POM121: variants seen among roughly 807,000 people sequenced by gnomAD.
POM121 encodes nuclear envelope pore membrane protein POM 121.
A neutral mutation model predicts 81.3 loss-of-function variants in POM121; 32 were observed. The ratio of observed to expected loss-of-function variants is 0.39; its 90% CI spans 0.30 to 0.53. POM121 has a LOEUF of 0.53. Among genes scored for constraint, POM121 ranks in the 20% least tolerant of loss-of-function variants. POM121 has a pLI of 0.66. For missense variants in POM121, 1,138 were observed against 1,614.6 expected, an observed-to-expected ratio of 0.70 and a Z score of 5.06; for synonymous variants, 514 against 694.2, an observed-to-expected ratio of 0.74 and a Z score of 4.08.
At chr7:72,886,861 G>A (rs1554490141) in intron 1 of POM121, among the ~76,000 whole-genome samples, 2 of 150,122 alleles carry the variant, frequency 1.3e-5, no homozygotes, top group Admixed American at 6.7e-5. Flanking sequence ...CAATTTGATT[G>A]CAATATGTCA....
chr7:72,899,918 TA>T (rs11364391), intron 3 of POM121, among the ~76,000 whole-genome samples: 46,380 of 151,992 alleles, frequency 0.31, 8,784 homozygotes, highest in East Asian at 0.44. Context: ...ACCAGATTTT[TA>T]TGATTTTCTC....
At chr7:72,921,499 T>G (rs1437047601), upstream of POM121, among the ~76,000 whole-genome samples, 1 of 152,216 alleles carries the variant, frequency 6.6e-6, no homozygotes, top group Non-Finnish European at 1.5e-5. Context: ...TCCAGCTCTC[T>G]GCACTGCAGT....
intron 3 of POM121, among the ~76,000 whole-genome samples, chr7:72,911,496 A>G (rs1793798278): frequency 2.6e-5 from 4 of 152,194 alleles, no homozygotes; most frequent in Admixed American, 2.6e-4. Flanking sequence ...ATTGTGTCTC[A>G]TGTCCCATCT....
At chr7:72,931,086 G>C (rs1554498533) in intron 5 of POM121, among the ~76,000 whole-genome samples, 2 of 152,022 alleles carry the variant, frequency 1.3e-5, no homozygotes, top group Non-Finnish European at 2.9e-5. Flanking sequence ...AGCCCAGAAG[G>C]CTCTGACAGT....
downstream of POM121, chr7:72,948,750 C>T (rs1402689702): frequency 9.5e-6 from 15 of 1,570,692 alleles, no homozygotes; most frequent in African/African-American, 1.4e-5. Context: ...AGGCAGTGCT[C>T]GGCACCCGGG....
chr7:72,927,105 T>C (rs1795532471), intron 3 of POM121, 142 bp downstream of exon 3: 2 of 1,366,196 alleles, frequency 1.5e-6, no homozygotes, highest in East Asian at 4.6e-5. Context: ...CATGGAGGAA[T>C]CTAATAACAA....
rs573779535 is a variant in POM121 at position 72,915,440 on chromosome 7, G to A, written c.-152+1612G>A. On this transcript the variant is annotated intron_variant, in intron 4 of 15. Coordinates refer to the POM121 transcript ENST00000395270. Reference sequence around the variant, plus strand: ...GGCTGGAGTACAGTGGCACGATCTCGGCTCCTCCTCCGCCTCGCACCTCCC... The same window carrying A: ...GGCTGGAGTACAGTGGCACGATCTCAGCTCCTCCTCCGCCTCGCACCTCCC... Among the ~76,000 whole-genome samples, 28 of 152,118 alleles carry A rather than the reference G, an allele frequency of 1.8e-4. 1 individual carries two copies. The South Asian group carries it at 5.4e-3, about 29-fold the overall frequency.
intron 3 of POM121, among the ~76,000 whole-genome samples, chr7:72,908,651 A>G (rs1396732903): frequency 6.6e-6 from 1 of 152,222 alleles, no homozygotes. Flanking sequence ...CGTAAAAGAC[A>G]GACGTTCCCA....
In POM121 at chr7:72,925,186, A is replaced by G; in HGVS notation, c.65A>G (p.Asp22Gly). The change falls in exon 1 of 13, where the codon GAC (aspartate) becomes GGC (glycine). Residue 22 changes from aspartate (D) to glycine (G), a missense_variant. Physicochemically the swap from Asp to Gly is moderately conservative, Grantham distance 94 (BLOSUM62 -1). Coordinates refer to ENST00000434423, the MANE Select transcript of POM121 (RefSeq NM_001387691.1). Reference protein sequence around the residue: ...ERRRPIASVRDGRGRGCGGPA... With the variant: ...ERRRPIASVRGGRGRGCGGPA... ...CGGCGGCCCATAGCGAGTGTCAGGGACGGCCGGGGCCGGGGCTGCGGCGGG... is the reference window on the plus strand; with the variant it reads ...CGGCGGCCCATAGCGAGTGTCAGGGGCGGCCGGGGCCGGGGCTGCGGCGGG... 6.6e-7 allele frequency: 1 copy of G among 1,516,040 alleles called. No homozygotes were observed. The highest frequency in any genetic ancestry group is 1.2e-5 in the South Asian group (1 of 82,108). The allele number at this position is 1,516,040 out of a possible 1,614,324, so 93.9% of individuals were successfully genotyped here.
intron 3 of POM121, among the ~76,000 whole-genome samples, chr7:72,912,826 G>A (rs1266536683): frequency 9.2e-5 from 14 of 152,100 alleles, no homozygotes; most frequent in Non-Finnish European, 1.5e-4. Flanking sequence ...GGCATTTCCC[G>A]CAGAAGCAGA....
At chr7:72,931,458 C>T (rs1173230234) in intron 5 of POM121, among the ~76,000 whole-genome samples, 3 of 151,866 alleles carry the variant, frequency 2.0e-5, no homozygotes, top group Admixed American at 6.6e-5. Context: ...CATAATATTC[C>T]AAATTCAAAT....
intron 10 of POM121, among the ~76,000 whole-genome samples, chr7:72,941,388 C>G (rs1412798989): frequency 6.6e-6 from 1 of 150,516 alleles, no homozygotes; most frequent in Non-Finnish European, 1.5e-5. Flanking sequence ...TGCTGGTGTT[C>G]CCGGCCCAGG....
chr7:72,926,212 T>C, intron 1 of POM121, 50 bp from the exon 2 acceptor site: 1 of 1,513,410 alleles, frequency 6.6e-7, no homozygotes, highest in Non-Finnish European at 9.0e-7. Flanking sequence ...TTTAAAAATT[T>C]GACATTCTTT....
rs368775018 is a variant in POM121, at chr7:72,931,719, C to T, written c.1275+1608C>T. ...CCAAGTAGTTGAGACTATAGGTGCC[C>T]GCCACCATGCCCAGCTAATTTTTGT... On this transcript the variant is annotated intron_variant, in intron 5 of 12. Coordinates refer to ENST00000434423, the MANE Select transcript of POM121 (RefSeq NM_001387691.1). Among the ~76,000 whole-genome samples, 18 of 152,068 alleles carry T rather than the reference C, an allele frequency of 1.2e-4. 1 individual carries two copies. Among genetic ancestry groups the T allele is most frequent in the South Asian group, 6.2e-4 (3 of 4,820 alleles).
chr7:72,884,744 T>C (rs1279561820), intron 1 of POM121, among the ~76,000 whole-genome samples: 12 of 149,586 alleles, frequency 8.0e-5, no homozygotes. Flanking sequence ...TATATACGTG[T>C]GTGTATATAT....
chr7:72,939,864 A>C lies in POM121; in HGVS notation c.1459A>C (p.Arg487=). ...QGEKAADTTP[R]KKQNSNSQST... is the part of the protein sequence containing the mutation. ...TTCTTTAGCTGCAGATACAACCCCA[A>C]GGAAGAAACAAAACTCGAATTCTCA... The change falls in exon 8 of 13, where the codon AGG becomes CGG. Residue 487 remains arginine (R), a synonymous_variant. Coordinates refer to ENST00000434423, the MANE Select transcript of POM121 (RefSeq NM_001387691.1). The C allele has an allele frequency of 6.2e-7, 1 of 1,610,222 alleles. No individual in the cohort carries two copies. The highest frequency in any genetic ancestry group is 1.1e-5 in the South Asian group (1 of 90,894).
chr7:72,894,468 G>C (rs1456671575), intron 3 of POM121, among the ~76,000 whole-genome samples: 2 of 151,418 alleles, frequency 1.3e-5, no homozygotes, highest in Admixed American at 6.6e-5. Flanking sequence ...ATCCCAGCTA[G>C]TCAGGAGGCT....
chr7:72,926,575 A>G, intron 2 of POM121, 98 bp downstream of exon 2: 2 of 1,561,476 alleles, frequency 1.3e-6, no homozygotes, highest in Non-Finnish European at 8.7e-7. Flanking sequence ...AAAAGAAAGG[A>G]CGAAGCTGCT....
chr7:72,912,745 C>T lies in POM121; in HGVS notation c.-215-1020C>T, dbSNP rs549117491. On this transcript the variant is annotated intron_variant, in intron 3 of 15. Transcript: ENST00000395270. The stretch of plus-strand genomic sequence containing the variant: ...AGTGAGCCGAGATCGCGCCACTGTA[C>T]TCCAGCCTGGCAACAGAGCAAGACT... 8.1e-4 allele frequency among the ~76,000 whole-genome samples: 124 copies of T among 152,288 alleles called. 1 individual carries two copies. The highest frequency in any genetic ancestry group is 2.9e-3 in the African/African-American group (122 of 41,562).
Sources: allele counts gnomAD v4.1 joint callset (sites outside exome capture counted in the v4.1 genomes callset), GRCh38; gene constraint gnomAD v4.1.1; transcripts MANE v1.5; gene names NCBI Gene and HGNC (gene_info 2026-07-23, HGNC 2026-07-21).